NRXN3: variants seen among roughly 807,000 people sequenced by gnomAD.
NRXN3 encodes neurexin 3, also known as neurexin III.
NRXN3 carries 32 observed loss-of-function variants against 137.6 expected under a neutral mutation model. The observed-to-expected ratio is 0.23, with a 90% CI of 0.18 to 0.31. NRXN3 has a LOEUF of 0.31. Among genes scored for constraint, NRXN3 ranks in the 10% least tolerant of loss-of-function variants. The pLI, the probability that NRXN3 is intolerant of heterozygous loss-of-function variation, is 1.00. For missense variants in NRXN3, 1,574 were observed against 2,062.5 expected (o/e 0.76, Z 4.59); for synonymous variants, 798 against 784.5 (o/e 1.02, Z -0.29).
At chr14:78,588,860 C>G (rs564167252) in intron 4 of NRXN3, among the ~76,000 whole-genome samples, 2 of 152,250 alleles carry the variant, frequency 1.3e-5, no homozygotes, top group Admixed American at 1.3e-4. Context: ...CAGAGTGTAT[C>G]AAATCAACAC....
chr14:78,831,241 G>A (rs2098980800), intron 10 of NRXN3, among the ~76,000 whole-genome samples: 1 of 151,976 alleles, frequency 6.6e-6, no homozygotes, highest in Non-Finnish European at 1.5e-5. Flanking sequence ...GAAAACTGAT[G>A]ACGCAAGCCA....
At chr14:78,740,107 G>C (rs1174042032) in intron 8 of NRXN3, among the ~76,000 whole-genome samples, 2 of 152,098 alleles carry the variant, frequency 1.3e-5, no homozygotes, top group African/African-American at 4.8e-5. Flanking sequence ...TTCAAAAGAA[G>C]CCCACATGCA....
intron 15 of NRXN3, among the ~76,000 whole-genome samples, chr14:79,077,251 G>A (rs775859699): frequency 1.3e-5 from 2 of 152,162 alleles, no homozygotes; most frequent in South Asian, 2.1e-4. Flanking sequence ...CCGAGGAAAC[G>A]TTCTTTCTGC....
intron 19 of NRXN3, among the ~76,000 whole-genome samples, chr14:79,798,508 G>A (rs1031780063): frequency 1.3e-5 from 2 of 152,188 alleles, no homozygotes; most frequent in Admixed American, 6.5e-5. Context: ...GAATATTTAT[G>A]GGCCTTTCCC....
chr14:79,421,248 G>T (rs1192709529), intron 15 of NRXN3, among the ~76,000 whole-genome samples: 3 of 152,040 alleles, frequency 2.0e-5, no homozygotes, highest in Admixed American at 2.0e-4. Flanking sequence ...GGGTCTCGCC[G>T]CACTAAGATA....
intron 8 of NRXN3, among the ~76,000 whole-genome samples, chr14:78,746,070 G>C (rs1366699899): frequency 6.6e-6 from 1 of 152,210 alleles, no homozygotes; most frequent in Non-Finnish European, 1.5e-5. Context: ...TTATGAAACA[G>C]AGATTAAACA....
rs191035336 is a variant in NRXN3, at chr14:79,367,018, C to T, written c.3263-100203C>T. Reference sequence around the variant, plus strand: ...TTTTTTTTGGAGATGGAGTCTTGCTCTGTCACCCAGGCTGGAGTGCAGTGG... The same window carrying T: ...TTTTTTTTGGAGATGGAGTCTTGCTTTGTCACCCAGGCTGGAGTGCAGTGG... On this transcript the variant is annotated intron_variant, in intron 15 of 20. Transcript: ENST00000335750. Among the ~76,000 whole-genome samples the T allele has an allele frequency of 6.1e-4, 76 of 124,548 alleles. 3 individuals carry two copies. The East Asian group carries it at 0.018, about 29-fold the overall frequency. 81.7% of individuals were successfully genotyped at this position (124,548 alleles called of 152,430 possible).
At chr14:79,727,893 C>A (rs933558235) in intron 19 of NRXN3, among the ~76,000 whole-genome samples, 2 of 152,142 alleles carry the variant, frequency 1.3e-5, no homozygotes, top group African/African-American at 4.8e-5. Flanking sequence ...GACTAGGATT[C>A]TTCTGTCACC....
At chr14:78,252,218 A>G (rs555673565) in intron 2 of NRXN3, among the ~76,000 whole-genome samples, 7 of 151,338 alleles carry the variant, frequency 4.6e-5, no homozygotes, top group African/African-American at 1.7e-4. Context: ...AGCTGACCTC[A>G]TAGTCATCCA....
rs1207600513 is a variant in NRXN3 at position 78,650,181 on chromosome 14, G to A, written c.1060-984G>A. Among the ~76,000 whole-genome samples, 8 of 151,834 alleles carry A rather than the reference G, an allele frequency of 5.3e-5. No homozygotes were observed. The South Asian group carries it at 1.0e-3, about 20-fold the overall frequency. Reference sequence around the variant, plus strand: ...AATGCTTTTTTTTCACTTCCATCTTGTTCTTCGGTTTGTTCAATGCATGTA... The same window carrying A: ...AATGCTTTTTTTTCACTTCCATCTTATTCTTCGGTTTGTTCAATGCATGTA... On this transcript the variant is annotated intron_variant, in intron 5 of 20. Coordinates refer to ENST00000335750, the MANE Select transcript of NRXN3 (RefSeq NM_001330195.2).
In NRXN3 at chr14:79,812,729, A is replaced by G. The variant is rs1202392623; in HGVS notation, c.4093+7539A>G. On this transcript the variant is annotated intron_variant, in intron 20 of 20. Transcript: ENST00000335750. The stretch of plus-strand genomic sequence containing the variant: ...ACTCTTTTGGGGACTTCACATATAC[A>G]GTATGGTCAAAGGCCACACCGTTTT... 2.6e-5 allele frequency among the ~76,000 whole-genome samples: 4 copies of G among 152,196 alleles called. No homozygotes were observed. The South Asian group carries it at 8.3e-4, about 31-fold the overall frequency.
At chr14:79,740,712 TTATATATATATATATATATATATATATA>T (rs869216055) in intron 19 of NRXN3, among the ~76,000 whole-genome samples, 16 of 16,150 alleles carry the variant, frequency 9.9e-4, no homozygotes, top group South Asian at 8.5e-3. Flanking sequence ...ATTTAGTTTT[TTATATATATATATATATATATATATATA>T]TATATATATA....
At chr14:78,708,857 T>C (rs1233472441) in intron 6 of NRXN3, among the ~76,000 whole-genome samples, 2 of 152,214 alleles carry the variant, frequency 1.3e-5, no homozygotes, top group African/African-American at 4.8e-5. Context: ...AGGTTGTTTC[T>C]GGTATTTTAC....
At chr14:78,211,152 G>A (rs1426231259) in intron 1 of NRXN3, among the ~76,000 whole-genome samples, 1 of 152,132 alleles carries the variant, frequency 6.6e-6, no homozygotes, top group Admixed American at 6.5e-5. Flanking sequence ...TGCAAATGAA[G>A]AGAAAAACTC....
At chr14:78,435,235 A>G (rs1052176132) in intron 4 of NRXN3, among the ~76,000 whole-genome samples, 1 of 152,056 alleles carries the variant, frequency 6.6e-6, no homozygotes, top group African/African-American at 2.4e-5. Flanking sequence ...ATTTTATGTG[A>G]TTGTTCTTGG....
intron 4 of NRXN3, among the ~76,000 whole-genome samples, chr14:78,387,805 T>C (rs1159300643): frequency 1.3e-5 from 2 of 152,230 alleles, no homozygotes; most frequent in African/African-American, 2.4e-5. Flanking sequence ...ATAATGCTTA[T>C]AATGTAGTCT....
At chr14:78,928,633 T>C (rs1314303138) in intron 10 of NRXN3, among the ~76,000 whole-genome samples, 2 of 152,184 alleles carry the variant, frequency 1.3e-5, no homozygotes, top group East Asian at 3.9e-4. Flanking sequence ...CATGAACTCA[T>C]CCTTTTTTAT....
At chr14:78,319,867 A>G (rs988846298) in intron 4 of NRXN3, among the ~76,000 whole-genome samples, 10 of 152,246 alleles carry the variant, frequency 6.6e-5, no homozygotes, top group African/African-American at 2.4e-4. Flanking sequence ...CAAAGGAGAA[A>G]ATGCTTAAGA....
At chr14:78,296,169 C>T (rs1368290047) in intron 3 of NRXN3, among the ~76,000 whole-genome samples, 2 of 151,812 alleles carry the variant, frequency 1.3e-5, no homozygotes, top group African/African-American at 4.8e-5. Context: ...AGCAATCCTC[C>T]CACCTCAGTG....
Sources: allele counts gnomAD v4.1 joint callset (sites outside exome capture counted in the v4.1 genomes callset), GRCh38; gene constraint gnomAD v4.1.1; transcripts MANE v1.5; gene names NCBI Gene and HGNC (gene_info 2026-07-23, HGNC 2026-07-21).